Variants in MIDEAS observed in about 807,000 individuals in gnomAD.
MIDEAS encodes the protein mitotic deacetylase-associated SANT domain protein.
MIDEAS carries 26 observed loss-of-function variants against 102.7 expected under a neutral mutation model. That is an observed-to-expected ratio of 0.25 (90% CI 0.19 to 0.35). MIDEAS has a LOEUF of 0.35. Ranked by LOEUF, MIDEAS falls within the 10% of genes least tolerant of loss-of-function variation. The pLI is 1.00. For missense variants in MIDEAS, 1,231 were observed against 1,435.6 expected (o/e 0.86, Z 2.30); for synonymous variants, 585 against 591.0 (o/e 0.99, Z 0.15).
At chr14:73,765,386 C>A (rs2053585116) in intron 1 of MIDEAS, among the ~76,000 whole-genome samples, 1 of 152,202 alleles carries the variant, frequency 6.6e-6, no homozygotes, top group Non-Finnish European at 1.5e-5. Flanking sequence ...CTCAACCACT[C>A]ATCTGCAAAA....
intron 1 of MIDEAS, among the ~76,000 whole-genome samples, chr14:73,768,053 G>T (rs931583318): frequency 6.6e-6 from 1 of 152,154 alleles, no homozygotes; most frequent in African/African-American, 2.4e-5. Context: ...CCAGCTACTT[G>T]GGGGGCTGAG....
At chr14:73,722,651 C>T (rs2053010856) in intron 10 of MIDEAS, 47 bp downstream of exon 10, 1 of 1,601,782 alleles carries the variant, frequency 6.2e-7, no homozygotes, top group Non-Finnish European at 8.5e-7. Flanking sequence ...GGCCTGGTCC[C>T]AGACCCAGCC....
chr14:73,769,161 G>A (rs1000497906), intron 1 of MIDEAS, among the ~76,000 whole-genome samples: 1 of 152,194 alleles, frequency 6.6e-6, no homozygotes, highest in South Asian at 2.1e-4. Context: ...AGGGCTTCCA[G>A]GGTCTTTCCC....
chr14:73,732,809 GGCTGGGT>G (rs3074112), intron 3 of MIDEAS, among the ~76,000 whole-genome samples: 25,900 of 112,958 alleles, frequency 0.23, 3,621 homozygotes, highest in Non-Finnish European at 0.34. Context: ...AAAAAAAAAA[GGCTGGGT>G]GCAGTGGCTC....
chr14:73,781,425 T>C (rs1364582971), intron 1 of MIDEAS, among the ~76,000 whole-genome samples: 2 of 152,170 alleles, frequency 1.3e-5, no homozygotes, highest in Non-Finnish European at 2.9e-5. Flanking sequence ...TTATGTTTAT[T>C]AAGAACTTTC....
rs2052935537 is a variant in MIDEAS, at chr14:73,718,787, TG to T, written c.*55del. ...GAGATGCCAGGGTGTCTGCGGGCGC[TG>T]GCGGCGGTGCGGGAAGGGCCGAGGC... On this transcript the variant is annotated 3_prime_UTR_variant, in exon 13 of 13. Transcript: ENST00000423556. 2 of 1,318,352 alleles carry T rather than the reference TG, an allele frequency of 1.5e-6. No individual in the cohort carries two copies. The highest frequency in any genetic ancestry group is 8.0e-5 in the Admixed American group (2 of 24,980). 81.7% of individuals were successfully genotyped at this position (1,318,352 alleles called of 1,614,324 possible). A position where few individuals can be genotyped will look rare whatever the true frequency, so the allele number is the denominator to read the frequency against.
At chr14:73,764,580 A>G (rs1192840351), upstream of MIDEAS, among the ~76,000 whole-genome samples, 1 of 151,602 alleles carries the variant, frequency 6.6e-6, no homozygotes, top group East Asian at 1.9e-4. Flanking sequence ...GAGTAGGAAC[A>G]CCCCTCCACC....
At position 73,722,824 on chromosome 14, in the gene MIDEAS, C is replaced by T. The variant is rs756617745; in HGVS notation, c.2598G>A (p.Gln866=). The change falls in exon 10 of 13, where the codon CAG becomes CAA. Residue 866 remains glutamine, a synonymous_variant. Coordinates refer to ENST00000423556, the MANE Select transcript of MIDEAS (RefSeq NM_001367710.1). ...TGTAGGTGTAGTAGAACTCCACGCA[C>T]TGGGCCACGGTCTTGGTCTGGATCT... ...QKLIQTKTVA[Q]CVEFYYTYKK... is the part of the protein sequence containing the mutation. The T allele has an allele frequency of 6.2e-7, 1 of 1,614,076 alleles. No individual in the cohort carries two copies. The highest frequency in any genetic ancestry group is 8.5e-7 in the Non-Finnish European group (1 of 1,180,016).
chr14:73,743,842 C>A (rs902043698), intron 1 of MIDEAS, among the ~76,000 whole-genome samples: 6 of 152,092 alleles, frequency 3.9e-5, no homozygotes, highest in Non-Finnish European at 7.4e-5. Flanking sequence ...CGGCAACCCG[C>A]CCTGTCAGTC....
At chr14:73,719,609 A>G in intron 11 of MIDEAS, 108 bp from the exon 12 acceptor site, 1 of 1,098,876 alleles carries the variant, frequency 9.1e-7, no homozygotes, top group Non-Finnish European at 1.3e-6. Context: ...ATTCCTGCCA[A>G]ACAGTCACCT....
intron 3 of MIDEAS, among the ~76,000 whole-genome samples, chr14:73,730,653 T>C (rs774211625): frequency 4.7e-4 from 71 of 151,808 alleles, no homozygotes; most frequent in Non-Finnish European, 8.5e-4. Flanking sequence ...AGACCTGAGC[T>C]GGACATGGGA....
At chr14:73,769,113 C>G (rs1015789920) in intron 1 of MIDEAS, among the ~76,000 whole-genome samples, 1 of 152,250 alleles carries the variant, frequency 6.6e-6, no homozygotes, top group African/African-American at 2.4e-5. Flanking sequence ...CCCAGGGTCT[C>G]CCTCGCATCT....
At chr14:73,787,873 C>G (rs1249987174), upstream of MIDEAS, among the ~76,000 whole-genome samples, 1 of 152,118 alleles carries the variant, frequency 6.6e-6, no homozygotes, top group Non-Finnish European at 1.5e-5. Context: ...ATTTCCACCT[C>G]TTTACACTCA....
At chr14:73,771,468 C>G (rs8014645) in intron 1 of MIDEAS, among the ~76,000 whole-genome samples, 114,814 of 152,066 alleles carry the variant, frequency 0.76, 44,125 homozygotes, top group East Asian at 0.9. Flanking sequence ...GTCACAGCAA[C>G]GGGATGATCA....
rs889116687 is a variant in MIDEAS at position 73,731,244 on chromosome 14, T to C, written c.1750-1259A>G. On this transcript the variant is annotated intron_variant, in intron 3 of 12. Transcript: ENST00000423556. Reference sequence around the variant, plus strand: ...GCACCCAGTTTATCCCTCTGCGTACTCAGTACAACAGGTAAGGTTGGCCAT... The same window carrying C: ...GCACCCAGTTTATCCCTCTGCGTACCCAGTACAACAGGTAAGGTTGGCCAT... Among the ~76,000 whole-genome samples, 6 of 152,188 alleles carry C rather than the reference T, an allele frequency of 3.9e-5. No homozygotes were observed. The East Asian group carries it at 1.2e-3, about 29-fold the overall frequency.
chr14:73,768,884 C>T (rs922962798), intron 1 of MIDEAS, among the ~76,000 whole-genome samples: 1 of 152,186 alleles, frequency 6.6e-6, no homozygotes, highest in African/African-American at 2.4e-5. Context: ...GGAGGTGGAA[C>T]TGAGTAGCAC....
rs202077881 is a variant in MIDEAS, at chr14:73,739,093, T to A, written c.916A>T (p.Met306Leu). The part of the protein sequence containing the change: ...LGQSHLAHHS[M>L]APYPFPPNPD... Reference sequence around the variant, plus strand: ...TTGGGGGGGAAGGGGTAGGGTGCCATGCTGTGGTGAGCCAGGTGGGACTGT... The same window carrying A: ...TTGGGGGGGAAGGGGTAGGGTGCCAAGCTGTGGTGAGCCAGGTGGGACTGT... The change falls in exon 2 of 13, where the codon ATG becomes TTG. Residue 306 changes from methionine to leucine, a missense_variant. Met to Leu is a conservative substitution (Grantham distance 15). Transcript: ENST00000423556. The A allele has an allele frequency of 1.2e-4, 196 of 1,598,088 alleles. No homozygotes were observed. The highest frequency in any genetic ancestry group is 7.1e-4 in the South Asian group (63 of 88,488).
rs201987783 is a variant in MIDEAS at position 73,729,911 on chromosome 14, G to T, written c.1824C>A (p.Pro608=). ...RKPKQRPRPE[P]LIIPTKAGTF... ...TGCCCGCCTTGGTGGGGATGATGAG[G>T]GGCTCGGGCCTGGGCCGCTGCTTTG... The change falls in exon 4 of 13, where the codon CCC becomes CCA. Residue 608 remains proline (P), a synonymous_variant. Coordinates refer to ENST00000423556, the MANE Select transcript of MIDEAS (RefSeq NM_001367710.1). 5.0e-6 allele frequency: 8 copies of T among 1,612,164 alleles called. No individual in the cohort carries two copies. The highest frequency in any genetic ancestry group is 6.8e-6 in the Non-Finnish European group (8 of 1,178,726).
Position 73,739,868 on chromosome 14 carries a change from G to T in MIDEAS, c.141C>A (p.Leu47=), listed in dbSNP as rs45489992. The change falls in exon 2 of 13, where the codon CTC becomes CTA. Residue 47 remains leucine (L), a synonymous_variant. Transcript: ENST00000423556. ...CTGCCCCTCCTGGACCCTCGTGCCC[G>T]AGGTACTGCTCCTCCTTCACTCTGA... ...QSIRVKEEQY[L]GHEGPGGAVS... 6.3e-7 allele frequency: 1 copy of T among 1,589,592 alleles called. No homozygotes were observed. The highest frequency in any genetic ancestry group is 8.6e-7 in the Non-Finnish European group (1 of 1,165,366).
Sources: allele counts gnomAD v4.1 joint callset (sites outside exome capture counted in the v4.1 genomes callset), GRCh38; gene constraint gnomAD v4.1.1; transcripts MANE v1.5; gene names NCBI Gene and HGNC (gene_info 2026-07-23, HGNC 2026-07-21).